The following KCNH6 variants were observed in gnomAD, a reference collection of about 807,000 sequenced individuals.
KCNH6 encodes the protein voltage-gated inwardly rectifying potassium channel KCNH6.
A neutral mutation model predicts 83.4 loss-of-function variants in KCNH6; 81 were observed. The observed-to-expected ratio is 0.97, with a 90% confidence interval of 0.81 to 1.17. The LOEUF is 1.17. KCNH6 is among the 50% of genes most tolerant of loss of function. The pLI is 0.00. For missense variants in KCNH6, 1,203 were observed against 1,290.5 expected (o/e 0.93, Z 1.04); for synonymous variants, 503 against 545.6 (o/e 0.92, Z 1.09).
In KCNH6 at chr17:63,534,108, C is replaced by G; in HGVS notation, c.898C>G (p.Leu300Val). ...GGCCTGCAGCTATACCTGCAGTCCC[C>G]TCACTGTGGTGGATCTCATCGTGGA... ...RGACSYTCSP[L>V]TVVDLIVDIM... The change falls in exon 5 of 13, where the codon CTC becomes GTC. Residue 300 changes from leucine to valine, a missense_variant. By Grantham distance (32) the Leu-to-Val change is conservative. Transcript: ENST00000314672. This position sits in a 1 kb window ranked among gnomAD's most constrained non-coding sequence, Gnocchi z 5.0. 7 of 1,613,008 alleles carry G rather than the reference C, an allele frequency of 4.3e-6. No homozygotes were observed. The highest frequency in any genetic ancestry group is 5.1e-6 in the Non-Finnish European group (6 of 1,179,684).
Position 63,535,861 on chromosome 17 carries a change from C to T in KCNH6, c.1294C>T (p.His432Tyr), listed in dbSNP as rs775026376. ...IGNVERPYLE[H>Y]KIGWLDSLGV... ...CAATGTGGAGCGGCCCTACCTAGAA[C>T]ACAAGATCGGCTGGCTGGACAGCCT... The change falls in exon 6 of 13, where the codon CAC (histidine) becomes TAC (tyrosine). Residue 432 changes from histidine to tyrosine, a missense_variant. Physicochemically the swap from His to Tyr is moderately conservative, Grantham distance 83. Coordinates refer to ENST00000314672, the MANE Select transcript of KCNH6 (RefSeq NM_001278919.2). This position sits in a 1 kb window ranked among gnomAD's most constrained non-coding sequence, Gnocchi z 4.9. The T allele has an allele frequency of 2.0e-5, 33 of 1,614,200 alleles. No individual in the cohort carries two copies. The highest frequency in any genetic ancestry group is 1.6e-4 in the Middle Eastern group (1 of 6,062).
Position 63,524,232 on chromosome 17 carries a change from T to G in KCNH6, c.170T>G (p.Val57Gly), listed in dbSNP as rs764176821. 1.9e-6 allele frequency: 3 copies of G among 1,613,834 alleles called. No homozygotes were observed. The highest frequency in any genetic ancestry group is 2.5e-6 in the Non-Finnish European group (3 of 1,180,014). Reference sequence around the variant, plus strand: ...TGCGAACTCTTCGGCTACTCCCGAGTGGAGGTGATGCAGCAACCCTGCACC... The same window carrying G: ...TGCGAACTCTTCGGCTACTCCCGAGGGGAGGTGATGCAGCAACCCTGCACC... ...GFCELFGYSR[V>G]EVMQQPCTCD... is the part of the protein sequence containing the mutation. Residue 57 changes from valine to glycine, a missense_variant, in exon 2 of 13, where the codon GTG (valine) becomes GGG (glycine). Transcript: ENST00000314672.
chr17:63,526,390 C>CTT (rs11316766), intron 2 of KCNH6, among the ~76,000 whole-genome samples: 12 of 134,670 alleles, frequency 8.9e-5, no homozygotes, highest in South Asian at 2.3e-4. Flanking sequence ...TCATATAATC[C>CTT]TTTTTTTTTT....
At chr17:63,524,100 G>C (rs781476758) in intron 1 of KCNH6, 39 bp from the exon 2 acceptor site, 1 of 1,432,730 alleles carries the variant, frequency 7.0e-7, no homozygotes, top group Non-Finnish European at 9.8e-7. Context: ...GCTGGATCCT[G>C]GCTCCCATGG....
chr17:63,531,896 C>G (rs920224736), intron 4 of KCNH6, among the ~76,000 whole-genome samples: 3 of 152,180 alleles, frequency 2.0e-5, no homozygotes, highest in Non-Finnish European at 4.4e-5. Context: ...CCATGTGGGT[C>G]CTAGGTCCAG....
chr17:63,543,919 C>T (rs1023682154), intron 10 of KCNH6: 1 of 710,380 alleles, frequency 1.4e-6, no homozygotes, highest in South Asian at 1.9e-5. Flanking sequence ...GACTAGCCAG[C>T]CCCCTGAGGT....
chr17:63,535,987 C>T lies in KCNH6; in HGVS notation c.1420C>T (p.Leu474Phe), dbSNP rs761347140. 1.6e-4 allele frequency: 260 copies of T among 1,613,778 alleles called. No homozygotes were observed. Among genetic ancestry groups the T allele is most frequent in the Non-Finnish European group, 2.2e-4 (255 of 1,180,038 alleles). ...VTALYFTFSS[L>F]TSVGFGNVSP... is the part of the protein sequence containing the mutation. Reference sequence around the variant, plus strand: ...AGCCCTCTACTTCACCTTCAGCAGCCTCACCAGCGTGGGCTTCGGCAATGT... The same window carrying T: ...AGCCCTCTACTTCACCTTCAGCAGCTTCACCAGCGTGGGCTTCGGCAATGT... Residue 474 changes from leucine to phenylalanine, a missense_variant, in exon 6 of 13, where the codon CTC becomes TTC. By Grantham distance (22) the Leu-to-Phe change is conservative (BLOSUM62 0). Coordinates refer to ENST00000314672, the MANE Select transcript of KCNH6 (RefSeq NM_001278919.2). This position sits in a 1 kb window ranked among gnomAD's most constrained non-coding sequence, Gnocchi z 4.9.
Position 63,534,078 on chromosome 17 carries a change from C to A in KCNH6, c.868C>A (p.Arg290Ser). ...GCTCAGCGATCAGGACGAATCACGG[C>A]GTGGGGCCTGCAGCTATACCTGCAG... is the stretch of plus-strand genomic sequence containing the variant. ...FLLSDQDESR[R>S]GACSYTCSPL... is the part of the protein sequence containing the mutation. Residue 290 changes from arginine to serine, a missense_variant, in exon 5 of 13, where the codon CGT (arginine) becomes AGT (serine). Coordinates refer to ENST00000314672, the MANE Select transcript of KCNH6 (RefSeq NM_001278919.2). The surrounding 1 kb of genome is among the most constrained non-coding windows in gnomAD (Gnocchi z 5.0). 1 of 1,613,346 alleles carries A rather than the reference C, an allele frequency of 6.2e-7. No homozygotes were observed. The highest frequency in any genetic ancestry group is 1.1e-5 in the South Asian group (1 of 91,000).
rs761679035 is a variant in KCNH6, at chr17:63,530,159, A to G, written c.376A>G (p.Ile126Val). ...KNEDGAVIMFILNFEDLAQLL... is the reference protein window; with the variant it reads ...KNEDGAVIMFVLNFEDLAQLL... ...CGAGGACGGGGCTGTCATCATGTTC[A>G]TTCTCAACTTCGAGGACCTGGCCCA... The change falls in exon 3 of 13, where the codon ATT becomes GTT. Residue 126 changes from isoleucine to valine, a missense_variant. Transcript: ENST00000314672. 3.1e-6 allele frequency: 5 copies of G among 1,614,134 alleles called. No homozygotes were observed. The highest frequency in any genetic ancestry group is 4.2e-6 in the Non-Finnish European group (5 of 1,180,036).
chr17:63,533,885 G>A lies in KCNH6; in HGVS notation c.676-1G>A, dbSNP rs373428899. The A allele has an allele frequency of 1.4e-5, 22 of 1,611,298 alleles. No homozygotes were observed. In the South Asian group the frequency reaches 1.4e-4, roughly 10 times the overall value. ...TGACCTCCCTCGGCCCCCACCCCCA[G>A]GTCCTGTCCCTGGGCGCGGATGTGC... On this transcript the variant is annotated splice_acceptor_variant, in intron 4 of 12. Coordinates refer to ENST00000314672, the MANE Select transcript of KCNH6 (RefSeq NM_001278919.2). LOFTEE classifies it high-confidence loss of function. This position sits in a 1 kb window ranked among gnomAD's most constrained non-coding sequence, Gnocchi z 4.1.
chr17:63,548,282 G>A (rs1387066903), downstream of KCNH6, among the ~76,000 whole-genome samples: 2 of 151,422 alleles, frequency 1.3e-5, no homozygotes, highest in Non-Finnish European at 2.9e-5. Context: ...AAAGTAGGTC[G>A]GTCATGGGGT....
Position 63,544,152 on chromosome 17 carries a change from C to T in KCNH6, c.2234-97C>T, listed in dbSNP as rs957519795. ...GAGCCACTCCTCACACCCTGTGTCC[C>T]CAGGGCAGGTAGGGGGTGGGGGACA... is the stretch of plus-strand genomic sequence containing the variant. On this transcript the variant is annotated intron_variant, in intron 10 of 12. Coordinates refer to ENST00000314672, the MANE Select transcript of KCNH6 (RefSeq NM_001278919.2). 5 of 1,600,198 alleles carry T rather than the reference C, an allele frequency of 3.1e-6. No homozygotes were observed. The African/African-American group carries it at 6.7e-5, about 21-fold the overall frequency.
At position 63,533,228 on chromosome 17, in the gene KCNH6, G is replaced by A. The variant is rs1174242391; in HGVS notation, c.676-658G>A. Among the ~76,000 whole-genome samples, 2 of 152,108 alleles carry A rather than the reference G, an allele frequency of 1.3e-5. No individual in the cohort carries two copies. The highest frequency in any genetic ancestry group is 1.5e-5 in the Non-Finnish European group (1 of 68,010). On this transcript the variant is annotated intron_variant, in intron 4 of 12. Transcript: ENST00000314672. This position sits in a 1 kb window ranked among gnomAD's most constrained non-coding sequence, Gnocchi z 4.1. ...CGGGAGGGGAGAAGGGAGAAGGGAA[G>A]GCTCTGCAGAAGGTGATGATTCCAA...
rs1568090751 is a variant in KCNH6, at chr17:63,545,215, C to T, written c.2534C>T (p.Thr845Met). ...DLALVPIASE[T>M]TSPGPRLPQG... ...GCCTTGGTTCCTATAGCCTCGGAGA[C>T]GACGAGTCCAGGGCCCAGGCTGCCC... The change falls in exon 12 of 13, where the codon ACG (threonine) becomes ATG (methionine). Residue 845 changes from threonine (T) to methionine (M), a missense_variant. Thr to Met is a moderately conservative substitution (Grantham distance 81). Transcript: ENST00000314672. 18 of 1,613,744 alleles carry T rather than the reference C, an allele frequency of 1.1e-5. No homozygotes were observed. The highest frequency in any genetic ancestry group is 8.9e-5 in the East Asian group (4 of 44,886).
At position 63,533,653 on chromosome 17, in the gene KCNH6, C is replaced by T. The variant is rs961110697; in HGVS notation, c.676-233C>T. On this transcript the variant is annotated intron_variant, in intron 4 of 12. Transcript: ENST00000314672. This position sits in a 1 kb window ranked among gnomAD's most constrained non-coding sequence, Gnocchi z 4.1. ...GTGTCGCTATGGGGCGGAGCCATACCCCTCCTCTTGCATCCCAACTCCTTT... is the reference window on the plus strand; with the variant it reads ...GTGTCGCTATGGGGCGGAGCCATACTCCTCCTCTTGCATCCCAACTCCTTT... Among the ~76,000 whole-genome samples, 3 of 152,080 alleles carry T rather than the reference C, an allele frequency of 2.0e-5. No individual in the cohort carries two copies. Among genetic ancestry groups the T allele is most frequent in the Non-Finnish European group, 4.4e-5 (3 of 67,994 alleles).
chr17:63,537,168 T>C (rs1284641534), intron 6 of KCNH6, among the ~76,000 whole-genome samples: 1 of 152,062 alleles, frequency 6.6e-6, no homozygotes, highest in East Asian at 1.9e-4. Flanking sequence ...AGTGCTAAAG[T>C]GCCAGAGGGC....
rs200259048 is a variant in KCNH6 at position 63,530,359 on chromosome 17, C to A, written c.492C>A (p.Gly164=). Residue 164 remains glycine, a synonymous_variant, in exon 4 of 13, where the codon GGC becomes GGA. Transcript: ENST00000314672. ...LGSEGSHGRP[G]GPGPGTGRGK... ...CAGAGGGCTCTCATGGCAGGCCAGG[C>A]GGACCAGGGCCAGGCACAGGCAGGG... 28 of 1,614,090 alleles carry A rather than the reference C, an allele frequency of 1.7e-5. No homozygotes were observed. In the East Asian group the frequency reaches 5.3e-4, roughly 31 times the overall value.
In KCNH6 at chr17:63,543,423, T is replaced by C. The variant is rs140701371; in HGVS notation, c.2149-153T>C. Among the ~76,000 whole-genome samples the C allele has an allele frequency of 2.4e-4, 37 of 152,284 alleles. No individual in the cohort carries two copies. The East Asian group carries it at 7.0e-3, about 29-fold the overall frequency. On this transcript the variant is annotated intron_variant, in intron 9 of 12. Coordinates refer to ENST00000314672, the MANE Select transcript of KCNH6 (RefSeq NM_001278919.2). ...TGTGGTCTCTGCAGCCTGGGCCACC[T>C]GCAGGAAGTCGTCCAGGGCATCGCT...
At chr17:63,531,990 G>A (rs1000676986) in intron 4 of KCNH6, among the ~76,000 whole-genome samples, 1 of 152,206 alleles carries the variant, frequency 6.6e-6, no homozygotes, top group Admixed American at 6.5e-5. Flanking sequence ...AGAACTTAAA[G>A]AGCCTCGATG....
Sources: allele counts gnomAD v4.1 joint callset (sites outside exome capture counted in the v4.1 genomes callset), GRCh38; gene constraint gnomAD v4.1.1; non-coding constraint Gnocchi (gnomAD v3.1); transcripts MANE v1.5; gene names NCBI Gene and HGNC (gene_info 2026-07-23, HGNC 2026-07-21).